The following SGSM1 variants were observed in gnomAD, a reference collection of about 807,000 sequenced individuals.
The protein encoded by SGSM1 is small G protein signaling modulator 1, also known as RUN and TBC1 domain containing 2.
In SGSM1, 73 loss-of-function variants were observed where a neutral mutation model predicts 133.8. The ratio of observed to expected loss-of-function variants is 0.55; its 90% CI spans 0.45 to 0.66. The LOEUF (loss-of-function observed/expected upper bound fraction) is 0.66. Among genes scored for constraint, SGSM1 ranks in the 30% least tolerant of loss-of-function variants. SGSM1 has a pLI of 0.00. For synonymous variants in SGSM1, 563 were observed against 573.0 expected (o/e 0.98, Z 0.25); for missense variants, 1,213 against 1,448.1 (o/e 0.84, Z 2.64).
In SGSM1 at chr22:24,852,106, T is replaced by G. The variant is rs1162974130; in HGVS notation, c.455+1674T>G. 2.0e-5 allele frequency among the ~76,000 whole-genome samples: 3 copies of G among 152,206 alleles called. No individual in the cohort carries two copies. In the East Asian group the frequency reaches 5.8e-4, roughly 29 times the overall value. On this transcript the variant is annotated intron_variant, in intron 5 of 24. Transcript: ENST00000400358. ...TCAACTTTTTATTTTTAATTTACAT[T>G]TACATAGAAGTTGCAAAATTAGTAC...
chr22:24,831,609 C>T (rs1569137814), intron 2 of SGSM1, among the ~76,000 whole-genome samples: 2 of 152,200 alleles, frequency 1.3e-5, no homozygotes, highest in Non-Finnish European at 2.9e-5. Context: ...CACGCTCCCT[C>T]CTCTGCCCTT....
At position 24,901,813 on chromosome 22, in the gene SGSM1, C is replaced by A. The variant is rs9620456; in HGVS notation, c.2611-20C>A. The A allele has an allele frequency of 3.1e-6, 5 of 1,611,264 alleles. No individual in the cohort carries two copies. In the Admixed American group the frequency reaches 8.4e-5, roughly 27 times the overall value. On this transcript the variant is annotated intron_variant, in intron 19 of 24. Transcript: ENST00000400358. ...GATTTTTCATTTCTTCCCCCTACCC[C>A]CTGCCCCGATGGCCTATAGCCAGAG...
At chr22:24,892,504 G>A (rs1479360677) in intron 16 of SGSM1, among the ~76,000 whole-genome samples, 1 of 152,172 alleles carries the variant, frequency 6.6e-6, no homozygotes, top group Non-Finnish European at 1.5e-5. Flanking sequence ...TGTAAGGAAA[G>A]GAAGCGGGTT....
At chr22:24,902,717 T>G (rs1001008062) in intron 20 of SGSM1, among the ~76,000 whole-genome samples, 7 of 151,828 alleles carry the variant, frequency 4.6e-5, no homozygotes, top group Admixed American at 1.3e-4. Flanking sequence ...TAAAAATAAT[T>G]ATTGATATTT....
At chr22:24,831,209 G>T (rs1212545576) in intron 2 of SGSM1, among the ~76,000 whole-genome samples, 1 of 151,826 alleles carries the variant, frequency 6.6e-6, no homozygotes, top group Non-Finnish European at 1.5e-5. Context: ...TTAGGAGGAG[G>T]TGCTCTTAGG....
intron 2 of SGSM1, 93 bp downstream of exon 2, chr22:24,806,577 C>CG (rs919230523): frequency 1.0e-4 from 146 of 1,402,196 alleles, no homozygotes; most frequent in Non-Finnish European, 1.2e-4. Flanking sequence ...CCTCTGGCGG[C>CG]GGGGGGGCGG....
intron 10 of SGSM1, among the ~76,000 whole-genome samples, chr22:24,868,115 G>A (rs1021580702): frequency 6.6e-6 from 1 of 152,102 alleles, no homozygotes; most frequent in Admixed American, 6.5e-5. Context: ...TTTTTCCTCT[G>A]GTGGTTAATG....
At chr22:24,888,646 G>T (rs111849602) in intron 16 of SGSM1, among the ~76,000 whole-genome samples, 24,134 of 151,836 alleles carry the variant, frequency 0.16, 2,152 homozygotes, top group South Asian at 0.31. Context: ...GGGCATGGTG[G>T]CGGGCGCCTG....
intron 10 of SGSM1, among the ~76,000 whole-genome samples, chr22:24,867,440 T>G (rs1462065760): frequency 6.6e-6 from 1 of 152,236 alleles, no homozygotes; most frequent in African/African-American, 2.4e-5. Flanking sequence ...CGTTAGCTGC[T>G]GACACTTACT....
intron 19 of SGSM1, among the ~76,000 whole-genome samples, chr22:24,899,422 C>G (rs1267590051): frequency 6.6e-6 from 1 of 151,968 alleles, no homozygotes; most frequent in Non-Finnish European, 1.5e-5. Context: ...CTTGAGCTTC[C>G]TTTTGTGTCA....
At chr22:24,808,536 A>G (rs1927551354) in intron 2 of SGSM1, among the ~76,000 whole-genome samples, 1 of 152,138 alleles carries the variant, frequency 6.6e-6, no homozygotes, top group African/African-American at 2.4e-5. Context: ...CCTACGTGTA[A>G]TATGTGTCCC....
intron 2 of SGSM1, among the ~76,000 whole-genome samples, chr22:24,822,234 G>T (rs1039102635): frequency 8.6e-5 from 13 of 151,782 alleles, no homozygotes; most frequent in Admixed American, 6.6e-4. Context: ...GGGACCACAG[G>T]TGCCCGCCAC....
intron 12 of SGSM1, among the ~76,000 whole-genome samples, chr22:24,870,926 T>C (rs1204716838): frequency 1.3e-5 from 2 of 152,236 alleles, no homozygotes; most frequent in Non-Finnish European, 2.9e-5. Flanking sequence ...TCCCTCCCCT[T>C]TTCTTCCTTT....
chr22:24,870,223 C>T (rs960718482), intron 12 of SGSM1, among the ~76,000 whole-genome samples: 2 of 152,224 alleles, frequency 1.3e-5, no homozygotes, highest in African/African-American at 4.8e-5. Flanking sequence ...GCCCACTATC[C>T]TGGCTGGACA....
rs777346262 is a variant in SGSM1 at position 24,844,964 on chromosome 22, C to A, written c.131C>A (p.Ser44Tyr). 6.2e-7 allele frequency: 1 copy of A among 1,613,798 alleles called. No individual in the cohort carries two copies. Among genetic ancestry groups the A allele is most frequent in the South Asian group, 1.1e-5 (1 of 90,998 alleles). Reference sequence around the variant, plus strand: ...CACGAAGACAGCAGCCACATCATCTCCTTCTGTGGTGAGTCTGTGACCTGG... The same window carrying A: ...CACGAAGACAGCAGCCACATCATCTACTTCTGTGGTGAGTCTGTGACCTGG... The part of the protein sequence containing the change: ...FVHEDSSHII[S>Y]FCAAVEACVL... The change falls in exon 3 of 25, where the codon TCC becomes TAC. Residue 44 changes from serine (S) to tyrosine (Y), a missense_variant. Ser to Tyr is a moderately radical substitution (Grantham distance 144, BLOSUM62 -2). Coordinates refer to ENST00000400358, the MANE Select transcript of SGSM1 (RefSeq NM_001098497.3).
At chr22:24,856,028 T>A in intron 8 of SGSM1, 1 of 435,190 alleles carries the variant, frequency 2.3e-6, no homozygotes. Context: ...CATCCATCCA[T>A]CCATCCATCC....
intron 21 of SGSM1, among the ~76,000 whole-genome samples, chr22:24,906,693 G>A (rs1933393069): frequency 6.6e-6 from 1 of 152,232 alleles, no homozygotes; most frequent in African/African-American, 2.4e-5. Flanking sequence ...AGCGTTTCGG[G>A]AGGCCAAGGC....
chr22:24,877,802 C>CTTTTTTTTTTTTTT (rs36036968), intron 13 of SGSM1, among the ~76,000 whole-genome samples: 1 of 75,452 alleles, frequency 1.3e-5, no homozygotes, highest in Non-Finnish European at 2.4e-5. Context: ...TTCTTTCTTT[C>CTTTTTTTTTTTTTT]TTTTTTTTTT....
rs555835182 is a variant in SGSM1, at chr22:24,808,941, A to T, written c.63+2457A>T. Among the ~76,000 whole-genome samples the T allele has an allele frequency of 2.7e-5, 4 of 149,934 alleles. No homozygotes were observed. The South Asian group carries it at 6.4e-4, about 24-fold the overall frequency. On this transcript the variant is annotated intron_variant, in intron 2 of 24. Transcript: ENST00000400358. ...CCCATCCCACAAACATGCTCATCCAAATCTACACGGTGCCACACCTTGGAC... is the reference window on the plus strand; with the variant it reads ...CCCATCCCACAAACATGCTCATCCATATCTACACGGTGCCACACCTTGGAC...
Sources: allele counts gnomAD v4.1 joint callset (sites outside exome capture counted in the v4.1 genomes callset), GRCh38; gene constraint gnomAD v4.1.1; transcripts MANE v1.5; gene names NCBI Gene and HGNC (gene_info 2026-07-23, HGNC 2026-07-21).